NCAM2: variants seen among roughly 807,000 people sequenced by gnomAD.
NCAM2 encodes N-CAM-2.
NCAM2 carries 30 observed loss-of-function variants against 98.1 expected under a neutral mutation model. The ratio of observed to expected loss-of-function variants is 0.31; its 90% CI spans 0.23 to 0.41. The LOEUF is 0.41. Among genes scored for constraint, NCAM2 ranks in the 10% least tolerant of loss-of-function variants. The pLI is 1.00. For synonymous variants in NCAM2, 368 were observed against 342.4 expected (o/e 1.07, Z -0.83); for missense variants, 867 against 1,005.8 (o/e 0.86, Z 1.87).
intron 1 of NCAM2, among the ~76,000 whole-genome samples, chr21:21,230,715 T>A (rs2147182982): frequency 6.6e-6 from 1 of 151,520 alleles, no homozygotes; most frequent in Non-Finnish European, 1.5e-5. Flanking sequence ...TCCAAAATGT[T>A]CTCAGGTGAT....
chr21:21,355,619 T>G (rs1246796080), intron 8 of NCAM2, among the ~76,000 whole-genome samples: 1 of 151,474 alleles, frequency 6.6e-6, no homozygotes, highest in Non-Finnish European at 1.5e-5. Context: ...GCTGTTATTA[T>G]TATTATTATT....
intron 16 of NCAM2, among the ~76,000 whole-genome samples, chr21:21,514,097 A>C (rs1448961667): frequency 6.6e-6 from 1 of 151,332 alleles, no homozygotes; most frequent in African/African-American, 2.4e-5. Flanking sequence ...TTATGTATAT[A>C]CAATTTATTA....
chr21:21,264,481 A>G (rs1471730316), intron 1 of NCAM2, among the ~76,000 whole-genome samples: 1 of 151,996 alleles, frequency 6.6e-6, no homozygotes, highest in African/African-American at 2.4e-5. Flanking sequence ...TTGACCTAGC[A>G]ATTCCATTAT....
intron 9 of NCAM2, among the ~76,000 whole-genome samples, chr21:21,390,079 A>T (rs2076349291): frequency 6.6e-6 from 1 of 151,882 alleles, no homozygotes; most frequent in Non-Finnish European, 1.5e-5. Flanking sequence ...CTATCTCTTG[A>T]CCTCATGATC....
intron 8 of NCAM2, among the ~76,000 whole-genome samples, chr21:21,368,985 C>CATACTTATACATATGTG (rs1389916222): frequency 6.6e-6 from 1 of 151,858 alleles, no homozygotes; most frequent in Non-Finnish European, 1.5e-5. Flanking sequence ...GTATAAGTCA[C>CATACTTATACATATGTG]ATAGCAAACA....
At chr21:21,119,515 A>G (rs1370413623) in intron 1 of NCAM2, among the ~76,000 whole-genome samples, 1 of 152,060 alleles carries the variant, frequency 6.6e-6, no homozygotes, top group African/African-American at 2.4e-5. Flanking sequence ...TGCAGCTAAT[A>G]TATTTTTGTT....
At chr21:21,238,246 C>T (rs1023604107) in intron 1 of NCAM2, among the ~76,000 whole-genome samples, 1 of 151,850 alleles carries the variant, frequency 6.6e-6, no homozygotes, top group Non-Finnish European at 1.5e-5. Flanking sequence ...GATGAGCCAC[C>T]GCGACCACCC....
chr21:21,028,941 T>C (rs1258456901), intron 1 of NCAM2, among the ~76,000 whole-genome samples: 3 of 152,228 alleles, frequency 2.0e-5, no homozygotes, highest in Admixed American at 6.5e-5. Context: ...AGTCTGAGTA[T>C]ATAAATTTAC....
chr21:21,114,146 TA>T (rs544262418), intron 1 of NCAM2, among the ~76,000 whole-genome samples: 5 of 152,294 alleles, frequency 3.3e-5, no homozygotes, highest in African/African-American at 4.8e-5. Context: ...AGAAAAATAA[TA>T]AGCATTTTGA....
chr21:21,421,625 A>T (rs2077113058), intron 11 of NCAM2, among the ~76,000 whole-genome samples: 3 of 152,180 alleles, frequency 2.0e-5, no homozygotes, highest in Admixed American at 2.0e-4. Flanking sequence ...TGTCCTGCAG[A>T]ATCCTAACAC....
intron 14 of NCAM2, among the ~76,000 whole-genome samples, chr21:21,473,615 C>T (rs1984766082): frequency 6.6e-6 from 1 of 151,556 alleles, no homozygotes; most frequent in East Asian, 1.9e-4. Context: ...CTTATATGAG[C>T]TCACCTTCTC....
At chr21:21,051,567 G>T (rs926034912) in intron 1 of NCAM2, among the ~76,000 whole-genome samples, 1 of 152,196 alleles carries the variant, frequency 6.6e-6, no homozygotes, top group Non-Finnish European at 1.5e-5. Context: ...CTTAGGCTGT[G>T]TTAGGCTGGG....
intron 16 of NCAM2, among the ~76,000 whole-genome samples, chr21:21,522,382 G>C (rs1338059071): frequency 6.7e-6 from 1 of 150,294 alleles, no homozygotes; most frequent in Non-Finnish European, 1.5e-5. Context: ...TACTGATGGA[G>C]GAAAAATAAG....
intron 1 of NCAM2, among the ~76,000 whole-genome samples, chr21:21,105,325 A>C (rs1160917279): frequency 1.3e-5 from 2 of 152,146 alleles, no homozygotes; most frequent in African/African-American, 4.8e-5. Context: ...TGTTTTAAAT[A>C]AAAATGAATC....
intron 6 of NCAM2, among the ~76,000 whole-genome samples, chr21:21,325,836 A>G (rs1343659468): frequency 6.6e-6 from 1 of 152,194 alleles, no homozygotes; most frequent in African/African-American, 2.4e-5. Flanking sequence ...TGAACAACAA[A>G]CATGAGCTTG....
At chr21:21,433,662 G>C (rs1419922205) in intron 12 of NCAM2, among the ~76,000 whole-genome samples, 1 of 151,412 alleles carries the variant, frequency 6.6e-6, no homozygotes, top group African/African-American at 2.4e-5. Flanking sequence ...AGAATGGCGT[G>C]AACCTGGGAG....
At chr21:21,188,472 A>G (rs1001303947) in intron 1 of NCAM2, among the ~76,000 whole-genome samples, 1 of 150,348 alleles carries the variant, frequency 6.7e-6, no homozygotes, top group African/African-American at 2.4e-5. Flanking sequence ...ATTTTTCTAT[A>G]ACTAGCTATG....
At chr21:21,253,767 A>G (rs758389557) in intron 1 of NCAM2, among the ~76,000 whole-genome samples, 2 of 152,208 alleles carry the variant, frequency 1.3e-5, no homozygotes, top group Non-Finnish European at 2.9e-5. Context: ...AAAGTATTCA[A>G]ACTTAAAATG....
chr21:21,023,080 G>A (rs555665588), intron 1 of NCAM2, among the ~76,000 whole-genome samples: 45 of 152,100 alleles, frequency 3.0e-4, no homozygotes, highest in Non-Finnish European at 6.0e-4. Flanking sequence ...AAGAACATGG[G>A]AAGTAAGAAA....
Sources: gnomAD v4.1 joint callset for allele counts (sites outside exome capture counted in the v4.1 genomes callset) on GRCh38, gnomAD v4.1.1 for gene constraint, MANE v1.5 for transcripts, NCBI Gene and HGNC (gene_info 2026-07-23, HGNC 2026-07-21) for gene names.